Variants in MCOLN2 observed in about 807,000 individuals in gnomAD.
The protein encoded by MCOLN2 is mucolipin-2.
MCOLN2 carries 57 observed loss-of-function variants against 67.5 expected under a neutral mutation model. That is an observed-to-expected ratio of 0.84 (90% CI 0.68 to 1.05). The LOEUF (loss-of-function observed/expected upper bound fraction) is 1.05, where lower values mean the gene tolerates loss of function less well. Ranked by LOEUF, MCOLN2 falls within the 50% of genes least tolerant of loss-of-function variation. The pLI is 0.00. For synonymous variants in MCOLN2, 246 were observed against 233.3 expected (o/e 1.05, Z -0.50); for missense variants, 620 against 678.8 (o/e 0.91, Z 0.96).
intron 7 of MCOLN2, 137 bp from the exon 8 acceptor site, chr1:84,941,128 C>A: frequency 1.6e-6 from 1 of 618,206 alleles, no homozygotes; most frequent in South Asian, 2.0e-5. Context: ...ATATCAGAAA[C>A]AAATCACACC....
At chr1:84,934,049 G>A (rs985837017) in intron 11 of MCOLN2, among the ~76,000 whole-genome samples, 1 of 152,142 alleles carries the variant, frequency 6.6e-6, no homozygotes, top group African/African-American at 2.4e-5. Context: ...GTCCTAATGT[G>A]CTTCCAGTCT....
intron 1 of MCOLN2, among the ~76,000 whole-genome samples, chr1:84,976,962 C>T (rs1415914305): frequency 6.6e-6 from 1 of 152,152 alleles, no homozygotes; most frequent in Non-Finnish European, 1.5e-5. Context: ...AACCCTGTAA[C>T]TTCCTTGTGT....
intron 1 of MCOLN2, among the ~76,000 whole-genome samples, chr1:84,968,148 T>C (rs1649475242): frequency 6.6e-6 from 1 of 152,104 alleles, no homozygotes; most frequent in African/African-American, 2.4e-5. Flanking sequence ...CTCAAATTTA[T>C]AGGACTACAG....
At chr1:84,988,474 T>C (rs1458380642) in intron 1 of MCOLN2, among the ~76,000 whole-genome samples, 1 of 152,174 alleles carries the variant, frequency 6.6e-6, no homozygotes, top group East Asian at 1.9e-4. Context: ...GATTCTAATG[T>C]GTAGCAAAGT....
chr1:84,928,118 T>C (rs1297896756), intron 13 of MCOLN2, among the ~76,000 whole-genome samples: 3 of 152,184 alleles, frequency 2.0e-5, no homozygotes, highest in African/African-American at 7.2e-5. Context: ...ATAGCTGACT[T>C]CACTCAGGAC....
intron 4 of MCOLN2, among the ~76,000 whole-genome samples, chr1:84,953,447 A>G (rs201121484): frequency 6.6e-6 from 1 of 151,768 alleles, no homozygotes; most frequent in South Asian, 2.1e-4. Flanking sequence ...CTACTCAGGA[A>G]GCTGAGGCAG....
At chr1:84,929,896 G>A in intron 12 of MCOLN2, 33 of 309,166 alleles carry the variant, frequency 1.1e-4, no homozygotes, top group South Asian at 6.8e-4. Flanking sequence ...AAAAACTTCA[G>A]AAAGAAAGCA....
chr1:84,946,917 T>C, intron 7 of MCOLN2, 116 bp downstream of exon 7: 1 of 598,908 alleles, frequency 1.7e-6, no homozygotes, highest in South Asian at 2.1e-5. Flanking sequence ...GATCTAATGC[T>C]CGAGGCGGTT....
intron 1 of MCOLN2, among the ~76,000 whole-genome samples, chr1:84,970,058 G>A (rs1649590283): frequency 6.6e-6 from 1 of 152,204 alleles, no homozygotes; most frequent in East Asian, 1.9e-4. Flanking sequence ...CTGAGAACAT[G>A]CCTGTAAGAA....
At chr1:84,939,486 G>T in intron 9 of MCOLN2, 67 bp downstream of exon 9, 2 of 1,490,998 alleles carry the variant, frequency 1.3e-6, no homozygotes, top group Non-Finnish European at 1.9e-6. Flanking sequence ...AGGATGGTAC[G>T]TCTTAAGATG....
In MCOLN2 at chr1:84,926,659, G is replaced by T. The variant is rs774857938; in HGVS notation, c.*26C>A. On this transcript the variant is annotated 3_prime_UTR_variant, in exon 14 of 14. Transcript: ENST00000370608. Reference sequence around the variant, plus strand: ...GCTCAGCCGCTGGATAAGGATGCCTGAACTTTAATCATCTTTAGCAGAACT... The same window carrying T: ...GCTCAGCCGCTGGATAAGGATGCCTTAACTTTAATCATCTTTAGCAGAACT... 1 of 1,557,474 alleles carries T rather than the reference G, an allele frequency of 6.4e-7. No homozygotes were observed. Among genetic ancestry groups the T allele is most frequent in the South Asian group, 1.2e-5 (1 of 83,208 alleles).
At chr1:84,939,478 G>T in intron 9 of MCOLN2, 75 bp downstream of exon 9, 1 of 1,436,092 alleles carries the variant, frequency 7.0e-7, no homozygotes, top group Non-Finnish European at 9.7e-7. Flanking sequence ...GTCTCCAAAG[G>T]ATGGTACGTC....
At chr1:84,996,567 T>C (rs1159803754) in intron 1 of MCOLN2, among the ~76,000 whole-genome samples, 1 of 151,792 alleles carries the variant, frequency 6.6e-6, no homozygotes, top group Non-Finnish European at 1.5e-5. Flanking sequence ...CTGTGCGCCT[T>C]TTCATAAAGG....
intron 8 of MCOLN2, among the ~76,000 whole-genome samples, chr1:84,940,475 T>C (rs1236401441): frequency 7.2e-5 from 11 of 152,240 alleles, no homozygotes; most frequent in Non-Finnish European, 1.6e-4. Flanking sequence ...TGCTTCATTA[T>C]AATCCATTTA....
At chr1:84,969,869 C>T (rs654662) in intron 1 of MCOLN2, among the ~76,000 whole-genome samples, 53,432 of 151,744 alleles carry the variant, frequency 0.35, 9,731 homozygotes, top group African/African-American at 0.43. Context: ...AAGCAGAGTT[C>T]TGACTCTGGA....
chr1:84,983,805 T>C (rs1650375728), intron 1 of MCOLN2, among the ~76,000 whole-genome samples: 1 of 151,104 alleles, frequency 6.6e-6, no homozygotes, highest in Non-Finnish European at 1.5e-5. Flanking sequence ...GCCTCCCGAG[T>C]AGCTGGGATT....
chr1:84,959,197 T>A (rs1254938349), intron 2 of MCOLN2, among the ~76,000 whole-genome samples: 5 of 152,204 alleles, frequency 3.3e-5, no homozygotes, highest in Non-Finnish European at 5.9e-5. Context: ...AGGTAATAGT[T>A]GTCAAAAGAA....
chr1:84,933,927 C>A (rs115327277), intron 11 of MCOLN2, among the ~76,000 whole-genome samples: 3,589 of 152,242 alleles, frequency 0.024, 158 homozygotes, highest in African/African-American at 0.082. Context: ...GAGACCCAGT[C>A]AATTTTAGGT....
intron 11 of MCOLN2, among the ~76,000 whole-genome samples, chr1:84,937,111 C>G (rs902430169): frequency 6.6e-6 from 1 of 152,134 alleles, no homozygotes. Flanking sequence ...CAAGGCTTAC[C>G]TAGTTTCATT....
Sources: allele counts gnomAD v4.1 joint callset (sites outside exome capture counted in the v4.1 genomes callset), GRCh38; gene constraint gnomAD v4.1.1; transcripts MANE v1.5; gene names NCBI Gene and HGNC (gene_info 2026-07-23, HGNC 2026-07-21).